Variants in RSPRY1 observed in about 807,000 individuals in gnomAD.
RSPRY1 encodes the protein ring finger and SPRY domain containing 1.
Under a neutral mutation model 73.1 loss-of-function variants are expected in RSPRY1, and 23 were observed. The ratio of observed to expected loss-of-function variants is 0.31; its 90% CI spans 0.23 to 0.45. The LOEUF (loss-of-function observed/expected upper bound fraction) is 0.45, where lower values mean the gene tolerates loss of function less well. Ranked by LOEUF, RSPRY1 falls within the 20% of genes least tolerant of loss-of-function variation. The pLI is 1.00. For missense variants in RSPRY1, 448 were observed against 698.7 expected, an observed-to-expected ratio of 0.64 and a Z score of 4.05; for synonymous variants, 226 against 251.4, an observed-to-expected ratio of 0.90 and a Z score of 0.95.
intron 1 of RSPRY1, among the ~76,000 whole-genome samples, chr16:57,201,162 G>A (rs571851565): frequency 9.9e-5 from 15 of 151,740 alleles, no homozygotes; most frequent in Admixed American, 2.0e-4. Context: ...CTTCTCAGAC[G>A]GTGTGGCTGC....
chr16:57,205,967 A>G (rs2074717200), intron 2 of RSPRY1, among the ~76,000 whole-genome samples: 1 of 152,226 alleles, frequency 6.6e-6, no homozygotes, highest in African/African-American at 2.4e-5. Flanking sequence ...AACATTTGAT[A>G]ATCGCATTTA....
intron 14 of RSPRY1, among the ~76,000 whole-genome samples, chr16:57,235,615 G>A (rs528633746): frequency 5.3e-5 from 8 of 152,296 alleles, no homozygotes; most frequent in African/African-American, 1.9e-4. Flanking sequence ...AGGGCAGCCT[G>A]GACCCTATAG....
In RSPRY1 at chr16:57,220,863, A is replaced by G. The variant is rs1442264074; in HGVS notation, c.1017+16A>G. On this transcript the variant is annotated intron_variant, in intron 9 of 14. Transcript: ENST00000394420. ...TGGCTTAGAGGTAGGTAATGCTTCT[A>G]CAGTTGGACCCTTTGGGGGATGAGA... 4 of 1,540,022 alleles carry G rather than the reference A, an allele frequency of 2.6e-6. No individual in the cohort carries two copies. The Admixed American group carries it at 6.7e-5, about 26-fold the overall frequency.
chr16:57,192,427 T>C (rs1305243391), intron 1 of RSPRY1, among the ~76,000 whole-genome samples: 2 of 152,154 alleles, frequency 1.3e-5, no homozygotes, highest in Non-Finnish European at 2.9e-5. Flanking sequence ...TTCCTTAGTA[T>C]TTTTTGGGAG....
At position 57,239,079 on chromosome 16, in the gene RSPRY1, C is replaced by G. The variant is rs554309252; in HGVS notation, c.*104C>G. 3.4e-4 allele frequency: 160 copies of G among 475,854 alleles called. No individual in the cohort carries two copies. The highest frequency in any genetic ancestry group is 3.0e-3 in the African/African-American group (149 of 49,658). The allele number at this position is 475,854 out of a possible 1,614,324, so 29.5% of individuals were successfully genotyped here. A position where few individuals can be genotyped will look rare whatever the true frequency, so the allele number is the denominator to read the frequency against. ...CTAATCAGTTGTACACACATTGAAA[C>G]TTATAGCCATGGCCAGATTTTATGC... On this transcript the variant is annotated 3_prime_UTR_variant, in exon 15 of 15. Transcript: ENST00000394420.
chr16:57,222,392 C>T (rs1382398142), intron 10 of RSPRY1, among the ~76,000 whole-genome samples: 6 of 152,210 alleles, frequency 3.9e-5, no homozygotes, highest in Non-Finnish European at 7.3e-5. Context: ...TGGTGACCTA[C>T]TTATAAGCAT....
At chr16:57,230,947 C>CA in intron 12 of RSPRY1, 134 bp downstream of exon 12, 3 of 703,128 alleles carry the variant, frequency 4.3e-6, no homozygotes. Context: ...ATTGGGAACC[C>CA]ATTTGATCAG....
At chr16:57,237,851 T>TTG (rs1471452232) in intron 14 of RSPRY1, among the ~76,000 whole-genome samples, 2 of 152,144 alleles carry the variant, frequency 1.3e-5, no homozygotes, top group Non-Finnish European at 2.9e-5. Flanking sequence ...TAGCTGGGAT[T>TTG]ACCAGTGCCC....
intron 14 of RSPRY1, among the ~76,000 whole-genome samples, chr16:57,235,997 T>G (rs971776787): frequency 4.6e-5 from 7 of 152,178 alleles, no homozygotes; most frequent in African/African-American, 1.7e-4. Context: ...TTAAGGGAAG[T>G]AGAGTGTGTC....
intron 1 of RSPRY1, among the ~76,000 whole-genome samples, chr16:57,196,540 G>A (rs1419356037): frequency 6.6e-6 from 1 of 152,076 alleles, no homozygotes; most frequent in Non-Finnish European, 1.5e-5. Context: ...TCTGATTCTG[G>A]CTATTCGTAG....
At chr16:57,236,748 T>C (rs1211434226) in intron 14 of RSPRY1, among the ~76,000 whole-genome samples, 1 of 152,060 alleles carries the variant, frequency 6.6e-6, no homozygotes, top group Non-Finnish European at 1.5e-5. Context: ...ATAAAACTCA[T>C]AAAAAGAAAA....
At chr16:57,235,949 G>A (rs1381713960) in intron 14 of RSPRY1, among the ~76,000 whole-genome samples, 1 of 152,186 alleles carries the variant, frequency 6.6e-6, no homozygotes, top group Non-Finnish European at 1.5e-5. Flanking sequence ...CTCTACGTTT[G>A]TTGTCTTTTG....
chr16:57,209,048 C>A, intron 3 of RSPRY1, 27 bp from the exon 4 acceptor site: 1 of 1,416,816 alleles, frequency 7.1e-7, no homozygotes, highest in South Asian at 1.2e-5. Context: ...GTGACTCCAT[C>A]ATATAATCTT....
chr16:57,189,054 C>T (rs529707255), intron 1 of RSPRY1, among the ~76,000 whole-genome samples: 1 of 144,556 alleles, frequency 6.9e-6, no homozygotes, highest in Non-Finnish European at 1.5e-5. Flanking sequence ...AGTGCAATGG[C>T]GCGATCTCAG....
intron 9 of RSPRY1, among the ~76,000 whole-genome samples, 185 bp from the exon 10 acceptor site, chr16:57,221,087 A>G (rs1180999417): frequency 3.9e-5 from 6 of 152,326 alleles, no homozygotes; most frequent in South Asian, 4.1e-4. Flanking sequence ...TTGATTCTGT[A>G]TGTTGCCAAA....
chr16:57,210,457 C>T (rs1723344118), intron 4 of RSPRY1, among the ~76,000 whole-genome samples: 1 of 152,092 alleles, frequency 6.6e-6, no homozygotes, highest in African/African-American at 2.4e-5. Flanking sequence ...AATCCTAGCA[C>T]TTTGGGAGGC....
At chr16:57,222,162 C>T (rs2075047978) in intron 10 of RSPRY1, among the ~76,000 whole-genome samples, 1 of 151,394 alleles carries the variant, frequency 6.6e-6, no homozygotes, top group Admixed American at 6.6e-5. Context: ...TAAATAATAG[C>T]CCCCCCCTCC....
At chr16:57,210,675 T>G (rs7404384) in intron 4 of RSPRY1, among the ~76,000 whole-genome samples, 6,203 of 151,232 alleles carry the variant, frequency 0.041, 309 homozygotes, top group East Asian at 0.23. Flanking sequence ...ATTGTGCTAC[T>G]GCACTCCAGC....
At chr16:57,196,032 A>ATAT (rs1555499000) in intron 1 of RSPRY1, among the ~76,000 whole-genome samples, 1,170 of 48,982 alleles carry the variant, frequency 0.024, 6 homozygotes, top group Non-Finnish European at 0.033. Flanking sequence ...AAAAAAAAAA[A>ATAT]AAATATATAT....
Sources: allele counts gnomAD v4.1 joint callset (sites outside exome capture counted in the v4.1 genomes callset), GRCh38; gene constraint gnomAD v4.1.1; transcripts MANE v1.5; gene names NCBI Gene and HGNC (gene_info 2026-07-23, HGNC 2026-07-21).